The following PWWP3A variants were observed in gnomAD, a reference collection of about 807,000 sequenced individuals.
PWWP3A encodes the protein PWWP domain-containing DNA repair factor 3A.
Under a neutral mutation model 79.0 loss-of-function variants are expected in PWWP3A, and 53 were observed. The observed-to-expected ratio is 0.67, with a 90% CI of 0.54 to 0.84. The LOEUF is 0.84. Ranked by LOEUF, PWWP3A falls within the 40% of genes least tolerant of loss-of-function variation. The pLI is 0.00. For synonymous variants in PWWP3A, 443 were observed against 394.4 expected (o/e 1.12, Z -1.46); for missense variants, 973 against 948.0 (o/e 1.03, Z -0.35).
chr19:1,356,285 C>A, intron 1 of PWWP3A, 39 bp from the exon 2 acceptor site: 1 of 1,092,210 alleles, frequency 9.2e-7, no homozygotes, highest in Non-Finnish European at 1.4e-6. Flanking sequence ...ACATCGCCAG[C>A]AAACAGTTGT....
chr19:1,370,453 A>C (rs1600121871), intron 11 of PWWP3A, among the ~76,000 whole-genome samples, 189 bp from the exon 12 acceptor site: 1 of 152,112 alleles, frequency 6.6e-6, no homozygotes, highest in African/African-American at 2.4e-5. Context: ...GAGGGGGGAA[A>C]GGCCGGGGGT....
At chr19:1,362,950 C>T (rs921733886) in intron 6 of PWWP3A, among the ~76,000 whole-genome samples, 14 of 152,370 alleles carry the variant, frequency 9.2e-5, no homozygotes, top group African/African-American at 2.9e-4. Flanking sequence ...AAGAACCAGC[C>T]CCACTTGAGA....
In PWWP3A at chr19:1,366,362, A is replaced by G. The variant is rs749846276; in HGVS notation, c.1342A>G (p.Met448Val). 2.5e-6 allele frequency: 4 copies of G among 1,614,236 alleles called. No individual in the cohort carries two copies. Among genetic ancestry groups the G allele is most frequent in the Admixed American group, 1.7e-5 (1 of 60,032 alleles). Residue 448 changes from methionine to valine, a missense_variant, in exon 8 of 14, where the codon ATG becomes GTG. Coordinates refer to ENST00000591337, the MANE Select transcript of PWWP3A (RefSeq NM_001369789.1). The part of the protein sequence containing the change: ...KASVLYIEGH[M>V]NPKMKGFTVS... ...AAGTGTGCTATACATCGAAGGACACATGAACCCGAAAATGAAAGGGTAACC... is the reference window on the plus strand; with the variant it reads ...AAGTGTGCTATACATCGAAGGACACGTGAACCCGAAAATGAAAGGGTAACC...
intron 11 of PWWP3A, among the ~76,000 whole-genome samples, chr19:1,370,035 G>A (rs971526080): frequency 2.0e-5 from 3 of 152,216 alleles, no homozygotes; most frequent in African/African-American, 7.2e-5. Flanking sequence ...TTCAAGACTA[G>A]CTTGATCAAC....
chr19:1,373,390 G>A (rs1051943969), intron 13 of PWWP3A: 3 of 573,120 alleles, frequency 5.2e-6, no homozygotes, highest in Non-Finnish European at 9.4e-6. Flanking sequence ...TGGGCAGCAC[G>A]GGGCCACGGG....
intron 7 of PWWP3A, among the ~76,000 whole-genome samples, chr19:1,365,182 A>C: frequency 6.6e-6 from 1 of 152,210 alleles, no homozygotes. Context: ...TGTGCATTTC[A>C]CCCCATGAGA....
At chr19:1,372,232 T>C (rs2082277721) in intron 12 of PWWP3A, 1 of 152,358 alleles carries the variant, frequency 6.6e-6, no homozygotes, top group Non-Finnish European at 1.5e-5. Context: ...GCTTCTGGCA[T>C]GGAGTGGGTT....
chr19:1,357,357 A>G (rs954669225), intron 3 of PWWP3A: 3 of 316,652 alleles, frequency 9.5e-6, no homozygotes. Flanking sequence ...TGTAAATTAT[A>G]CTCAGGGTAG....
intron 13 of PWWP3A, among the ~76,000 whole-genome samples, chr19:1,375,746 A>G (rs2082373579): frequency 7.0e-6 from 1 of 142,920 alleles, no homozygotes; most frequent in South Asian, 2.1e-4. Flanking sequence ...TTATATATAA[A>G]ATATATAATT....
chr19:1,355,431 C>T (rs1460514263), intron 1 of PWWP3A, among the ~76,000 whole-genome samples: 1 of 147,220 alleles, frequency 6.8e-6, no homozygotes, highest in East Asian at 2.0e-4. Flanking sequence ...CCCCTCACGT[C>T]TGCCGTGAAC....
Position 1,369,216 on chromosome 19 carries a change from T to C in PWWP3A, c.1423-49T>C. The C allele has an allele frequency of 6.3e-7, 1 of 1,583,768 alleles. No individual in the cohort carries two copies. Among genetic ancestry groups the C allele is most frequent in the Non-Finnish European group, 8.7e-7 (1 of 1,154,652 alleles). On this transcript the variant is annotated intron_variant, in intron 9 of 13. Coordinates refer to ENST00000591337, the MANE Select transcript of PWWP3A (RefSeq NM_001369789.1). The surrounding 1 kb of genome is among the most constrained non-coding windows in gnomAD (Gnocchi z 4.0). ...CTCTGCGTGGCTTCTGAACCCAGGG[T>C]GCTTGGCACTGCCTCCCACTGACGC... is the stretch of plus-strand genomic sequence containing the variant.
Position 1,356,430 on chromosome 19 carries a change from A to G in PWWP3A, c.38A>G (p.Lys13Arg). 6.2e-7 allele frequency: 1 copy of G among 1,614,212 alleles called. No homozygotes were observed. The highest frequency in any genetic ancestry group is 8.5e-7 in the Non-Finnish European group (1 of 1,180,020). Reference protein sequence around the residue: ...DAKYVLCRWEKRLWPAKVLAR... With the variant: ...DAKYVLCRWERRLWPAKVLAR... ...AAGTATGTCCTCTGCCGATGGGAAA[A>G]GCGATTATGGCCTGCGAAGGTGACA... is the stretch of plus-strand genomic sequence containing the variant. Residue 13 changes from lysine to arginine, a missense_variant, in exon 2 of 14, where the codon AAG becomes AGG. Transcript: ENST00000591337.
At chr19:1,371,998 G>GT (rs1427229073) in intron 12 of PWWP3A, 7 of 153,418 alleles carry the variant, frequency 4.6e-5, no homozygotes, top group Middle Eastern at 3.4e-3. Context: ...TAGAGACGGG[G>GT]TTTCACCATG....
intron 5 of PWWP3A, 103 bp downstream of exon 5, chr19:1,361,135 T>G: frequency 8.4e-7 from 1 of 1,190,948 alleles, no homozygotes. Flanking sequence ...CAGATTTTAA[T>G]GAGATCGTTG....
rs1245103676 is a variant in PWWP3A, at chr19:1,369,854, C to T, written c.1549+208C>T. Among the ~76,000 whole-genome samples the T allele has an allele frequency of 1.3e-5, 2 of 152,146 alleles. No homozygotes were observed. The highest frequency in any genetic ancestry group is 2.4e-5 in the African/African-American group (1 of 41,434). On this transcript the variant is annotated intron_variant, in intron 11 of 13. Coordinates refer to ENST00000591337, the MANE Select transcript of PWWP3A (RefSeq NM_001369789.1). The surrounding 1 kb of genome is among the most constrained non-coding windows in gnomAD (Gnocchi z 4.0). ...GCTGGTGTCCACTGGCACAGCATCC[C>T]GAGCCTGCCCTGGGGCCCTCATCCC... is the stretch of plus-strand genomic sequence containing the variant.
At position 1,369,550 on chromosome 19, in the gene PWWP3A, C is replaced by T. The variant is rs557025042; in HGVS notation, c.1499-46C>T. 58 of 1,608,484 alleles carry T rather than the reference C, an allele frequency of 3.6e-5. No individual in the cohort carries two copies. The highest frequency in any genetic ancestry group is 3.3e-4 in the Middle Eastern group (2 of 6,012). On this transcript the variant is annotated intron_variant, in intron 10 of 13. Coordinates refer to ENST00000591337, the MANE Select transcript of PWWP3A (RefSeq NM_001369789.1). This position sits in a 1 kb window ranked among gnomAD's most constrained non-coding sequence, Gnocchi z 4.0. Reference sequence around the variant, plus strand: ...AGCCCCTGGAACACACTTCCTGGGACTCCTCTTAGGTCTACACAGTGCTCT... The same window carrying T: ...AGCCCCTGGAACACACTTCCTGGGATTCCTCTTAGGTCTACACAGTGCTCT...
chr19:1,373,363 C>CT, intron 13 of PWWP3A: 4 of 590,694 alleles, frequency 6.8e-6, no homozygotes, highest in Non-Finnish European at 1.2e-5. Flanking sequence ...GTGCCCGGGT[C>CT]TCCCAGCTGG....
chr19:1,373,193 T>C (rs1234817593), intron 13 of PWWP3A, 33 bp downstream of exon 13: 1 of 1,586,044 alleles, frequency 6.3e-7, no homozygotes, highest in Non-Finnish European at 8.6e-7. Flanking sequence ...TCCAGCCACT[T>C]GCGTCTCTGC....
At chr19:1,358,728 C>G (rs1367994291) in intron 4 of PWWP3A, 4 of 1,421,010 alleles carry the variant, frequency 2.8e-6, no homozygotes, top group East Asian at 5.5e-5. Flanking sequence ...CTCGTACCCC[C>G]GTGGCCTCCA....
Sources: gnomAD v4.1 joint callset for allele counts (sites outside exome capture counted in the v4.1 genomes callset) on GRCh38, gnomAD v4.1.1 for gene constraint, Gnocchi (gnomAD v3.1) non-coding constraint, MANE v1.5 for transcripts, NCBI Gene and HGNC (gene_info 2026-07-23, HGNC 2026-07-21) for gene names.